Variants in RFX6 observed in about 807,000 individuals in gnomAD.
The protein encoded by RFX6 is DNA-binding protein RFX6.
A neutral mutation model predicts 110.8 loss-of-function variants in RFX6; 50 were observed. The observed-to-expected ratio is 0.45, with a 90% CI of 0.36 to 0.57. The LOEUF (loss-of-function observed/expected upper bound fraction) is 0.57. RFX6 is among the 20% of genes least tolerant of loss of function. The probability of loss-of-function intolerance (pLI) is 0.00; values close to 1 mark genes in which losing one functional copy is unlikely to be tolerated. For synonymous variants in RFX6, 383 were observed against 411.2 expected, an observed-to-expected ratio of 0.93 and a Z score of 0.83; for missense variants, 990 against 1,127.0, an observed-to-expected ratio of 0.88 and a Z score of 1.74.
Position 116,919,119 on chromosome 6 carries a change from A to G in RFX6, c.1023-18A>G. 6.2e-7 allele frequency: 1 copy of G among 1,608,832 alleles called. No homozygotes were observed. Among genetic ancestry groups the G allele is most frequent in the Non-Finnish European group, 8.5e-7 (1 of 1,175,440 alleles). ...ATTTTTTAACAATGAAGCATTTAAC[A>G]CATAGCCTTCTTTGTAGCTTATTAG... On this transcript the variant is annotated intron_variant, in intron 10 of 18. Coordinates refer to ENST00000332958, the MANE Select transcript of RFX6 (RefSeq NM_173560.4).
At chr6:116,926,991 A>G (rs2114703650) in intron 16 of RFX6, 36 bp from the exon 17 acceptor site, 1 of 1,572,236 alleles carries the variant, frequency 6.4e-7, no homozygotes, top group South Asian at 1.1e-5. Flanking sequence ...CTACTTTAAT[A>G]TGACACTAAA....
chr6:116,920,587 A>C, intron 12 of RFX6, 133 bp downstream of exon 12: 2 of 770,116 alleles, frequency 2.6e-6, no homozygotes, highest in South Asian at 1.5e-5. Context: ...ACCTTTACCC[A>C]TTAGATGACA....
chr6:116,931,219 A>G (rs1481002537), intron 18 of RFX6, 112 bp from the exon 19 acceptor site: 2 of 806,882 alleles, frequency 2.5e-6, no homozygotes, highest in African/African-American at 1.7e-5. Context: ...AATTTAGAAT[A>G]GGTATGTGTG....
rs1412059498 is a variant in RFX6 at position 116,877,580 on chromosome 6, C to T, written c.223+82C>T. 2.6e-6 allele frequency: 3 copies of T among 1,153,754 alleles called. No individual in the cohort carries two copies. In the East Asian group the frequency reaches 7.7e-5, roughly 29 times the overall value. 71.5% of individuals were successfully genotyped at this position (1,153,754 alleles called of 1,614,324 possible). ...GGCACCCAATAATAATAATGCATCC[C>T]GAACAAACATAAGGCAGATATAGAA... On this transcript the variant is annotated intron_variant, in intron 1 of 18. Transcript: ENST00000332958.
chr6:116,891,947 T>G (rs1774839624), intron 4 of RFX6, among the ~76,000 whole-genome samples: 1 of 152,178 alleles, frequency 6.6e-6, no homozygotes. Flanking sequence ...GATTTCTTTT[T>G]CTGTACTGTA....
intron 6 of RFX6, among the ~76,000 whole-genome samples, chr6:116,903,041 C>A (rs919223794): frequency 6.6e-6 from 1 of 152,064 alleles, no homozygotes; most frequent in Admixed American, 6.6e-5. Flanking sequence ...CAAAACAAAC[C>A]CAGACCTCTG....
chr6:116,907,575 T>G (rs1028424799), intron 6 of RFX6, among the ~76,000 whole-genome samples: 22 of 152,132 alleles, frequency 1.4e-4, no homozygotes, highest in Non-Finnish European at 2.4e-4. Flanking sequence ...TCATCCCATG[T>G]TGGTTGAAGA....
intron 6 of RFX6, among the ~76,000 whole-genome samples, chr6:116,896,127 T>C (rs1488345084): frequency 6.6e-6 from 1 of 152,162 alleles, no homozygotes; most frequent in Non-Finnish European, 1.5e-5. Flanking sequence ...TTTGGTTGAG[T>C]AAAGTTTATG....
chr6:116,921,949 T>G, intron 12 of RFX6, 93 bp from the exon 13 acceptor site: 1 of 692,826 alleles, frequency 1.4e-6, no homozygotes, highest in Non-Finnish European at 2.6e-6. Context: ...ATCAAAGTAT[T>G]GATGATTCCA....
At chr6:116,893,113 C>A (rs1368124727) in intron 4 of RFX6, among the ~76,000 whole-genome samples, 2 of 152,038 alleles carry the variant, frequency 1.3e-5, no homozygotes, top group Non-Finnish European at 2.9e-5. Context: ...TAGATGAATG[C>A]AAATTGAAGG....
intron 14 of RFX6, 44 bp from the exon 15 acceptor site, chr6:116,924,625 T>C (rs749247760): frequency 6.3e-7 from 1 of 1,580,344 alleles, no homozygotes. Flanking sequence ...CTCCCCTTTT[T>C]ACATTTCACA....
chr6:116,922,299 G>T (rs561410616), intron 13 of RFX6, 148 bp downstream of exon 13: 1 of 651,650 alleles, frequency 1.5e-6, no homozygotes, highest in African/African-American at 1.8e-5. Flanking sequence ...AATAAGGCAG[G>T]CCAAATACTG....
At chr6:116,925,136 T>G (rs1435374707) in intron 15 of RFX6, among the ~76,000 whole-genome samples, 1 of 152,146 alleles carries the variant, frequency 6.6e-6, no homozygotes, top group South Asian at 2.1e-4. Context: ...TAAAAATAAG[T>G]TCTATAGGAG....
rs372999792 is a variant in RFX6, at chr6:116,889,986, G to T, written c.567-4001G>T. Among the ~76,000 whole-genome samples, 24 of 152,092 alleles carry T rather than the reference G, an allele frequency of 1.6e-4. No individual in the cohort carries two copies. The East Asian group carries it at 3.3e-3, about 21-fold the overall frequency. On this transcript the variant is annotated intron_variant, in intron 4 of 18. Transcript: ENST00000332958. ...TGAAACATCCAGATCAGTGGTGTGG[G>T]TCTTAATAATTCATGTTAGTTATCT... is the stretch of plus-strand genomic sequence containing the variant.
chr6:116,922,085 G>A lies in RFX6; in HGVS notation c.1371G>A (p.Lys457=). 1 of 1,559,368 alleles carries A rather than the reference G, an allele frequency of 6.4e-7. No homozygotes were observed. The highest frequency in any genetic ancestry group is 8.8e-7 in the Non-Finnish European group (1 of 1,131,956). The change falls in exon 13 of 19, where the codon AAG becomes AAA. Residue 457 remains lysine, a synonymous_variant. Transcript: ENST00000332958. ...TCCAAGAACTGAAGGATCTCCTTAA[G>A]AAGAATGCCACTGTGGAGGCTTTTA... is the stretch of plus-strand genomic sequence containing the variant. ...TVFQELKDLL[K]KNATVEAFIE...
intron 2 of RFX6, among the ~76,000 whole-genome samples, chr6:116,878,268 T>C (rs1218951170): frequency 6.6e-6 from 1 of 152,310 alleles, no homozygotes; most frequent in East Asian, 1.9e-4. Flanking sequence ...ATCAGTTCAG[T>C]CCTTACATAT....
chr6:116,925,532 C>T lies in RFX6; in HGVS notation c.1758C>T (p.Ser586=), dbSNP rs775804713. 2.5e-5 allele frequency: 41 copies of T among 1,613,878 alleles called. No individual in the cohort carries two copies. Among genetic ancestry groups the T allele is most frequent in the African/African-American group, 4.0e-5 (3 of 74,924 alleles). The change falls in exon 16 of 19, where the codon AGC becomes AGT. Residue 586 remains serine (S), a synonymous_variant. Coordinates refer to ENST00000332958, the MANE Select transcript of RFX6 (RefSeq NM_173560.4). The part of the protein sequence containing the change: ...ANRNKGSMVS[S]DAVKNESHVE... ...GTAATAAAGGGAGCATGGTTTCCAGCGACGCTGTGAAGAATGAAAGCCACG... is the reference window on the plus strand; with the variant it reads ...GTAATAAAGGGAGCATGGTTTCCAGTGACGCTGTGAAGAATGAAAGCCACG...
chr6:116,919,022 T>G (rs565976277), intron 10 of RFX6, 115 bp from the exon 11 acceptor site: 1 of 957,424 alleles, frequency 1.0e-6, no homozygotes, highest in Admixed American at 1.9e-5. Flanking sequence ...CTAGGCTGTC[T>G]GACTTCAAAA....
At chr6:116,886,475 G>A (rs1774700848) in intron 4 of RFX6, among the ~76,000 whole-genome samples, 1 of 152,112 alleles carries the variant, frequency 6.6e-6, no homozygotes, top group South Asian at 2.1e-4. Flanking sequence ...AATTTTACTG[G>A]TCCCTATATA....
Sources: gnomAD v4.1 joint callset for allele counts (sites outside exome capture counted in the v4.1 genomes callset) on GRCh38, gnomAD v4.1.1 for gene constraint, MANE v1.5 for transcripts, NCBI Gene and HGNC (gene_info 2026-07-23, HGNC 2026-07-21) for gene names.